AXDND1: variants seen among roughly 807,000 people sequenced by gnomAD.
AXDND1 encodes axonemal dynein light chain domain-containing protein 1.
A neutral mutation model predicts 137.5 loss-of-function variants in AXDND1; 110 were observed. The observed-to-expected ratio is 0.80, with a 90% CI of 0.69 to 0.94. The LOEUF (loss-of-function observed/expected upper bound fraction) is 0.94. Among genes scored for constraint, AXDND1 ranks in the 40% least tolerant of loss-of-function variants. The pLI, the probability that AXDND1 is intolerant of heterozygous loss-of-function variation, is 0.00. For synonymous variants in AXDND1, 414 were observed against 399.7 expected (o/e 1.04, Z -0.43); for missense variants, 1,191 against 1,169.8 (o/e 1.02, Z -0.26).
intron 12 of AXDND1, among the ~76,000 whole-genome samples, chr1:179,426,524 A>G (rs953022075): frequency 6.6e-6 from 1 of 152,206 alleles, no homozygotes; most frequent in Admixed American, 6.5e-5. Context: ...CATTTTAGAA[A>G]TTTTTATAGA....
intron 21 of AXDND1, among the ~76,000 whole-genome samples, chr1:179,510,799 G>A (rs1403149482): frequency 6.6e-6 from 1 of 152,072 alleles, no homozygotes; most frequent in Admixed American, 6.5e-5. Flanking sequence ...TTGGTTACAT[G>A]AGTAAGTTCT....
chr1:179,390,827 A>G (rs1369590273), intron 9 of AXDND1, among the ~76,000 whole-genome samples: 2 of 151,320 alleles, frequency 1.3e-5, no homozygotes, highest in Non-Finnish European at 2.9e-5. Flanking sequence ...TTTTTTTGAG[A>G]TGGAGTTTCG....
intron 22 of AXDND1, 76 bp downstream of exon 22, chr1:179,525,523 G>T (rs1018535148): frequency 2.1e-6 from 3 of 1,446,764 alleles, no homozygotes; most frequent in Non-Finnish European, 2.8e-6. Flanking sequence ...TAGAGACAGG[G>T]TCCTGCCCTG....
chr1:179,418,660 G>GCGGGGGGCCGACACCACCACC (rs1431556591), intron 12 of AXDND1, among the ~76,000 whole-genome samples: 6 of 142,200 alleles, frequency 4.2e-5, no homozygotes, highest in African/African-American at 1.5e-4. Context: ...GGCTGGCCGG[G>GCGGGGGGCCGACACCACCACC]TGGGGGGCCG....
Position 179,551,450 on chromosome 1 carries a change from A to G in AXDND1, c.3032-3062A>G, listed in dbSNP as rs770246605. On this transcript the variant is annotated intron_variant, in intron 25 of 25. Transcript: ENST00000367618. ...AGCCTTTTCCGCTTCTGCAGCAATC[A>G]TCTAGAAAACATGTGACGAAAGCAA... The G allele has an allele frequency of 1.9e-6, 3 of 1,613,000 alleles. No homozygotes were observed. Among genetic ancestry groups the G allele is most frequent in the Non-Finnish European group, 2.5e-6 (3 of 1,180,028 alleles).
intron 4 of AXDND1, among the ~76,000 whole-genome samples, chr1:179,371,135 G>A (rs1408628569): frequency 6.6e-6 from 1 of 152,124 alleles, no homozygotes; most frequent in African/African-American, 2.4e-5. Flanking sequence ...TGACATTACA[G>A]TTTTAATGTT....
At chr1:179,471,938 A>G (rs967346993) in intron 17 of AXDND1, among the ~76,000 whole-genome samples, 7 of 150,828 alleles carry the variant, frequency 4.6e-5, no homozygotes, top group Non-Finnish European at 1.0e-4. Context: ...TCTGCCACCC[A>G]GACTGGAGTG....
At chr1:179,464,156 T>G (rs989329984) in intron 16 of AXDND1, among the ~76,000 whole-genome samples, 1 of 152,208 alleles carries the variant, frequency 6.6e-6, no homozygotes, top group African/African-American at 2.4e-5. Context: ...ATCCTGTCAT[T>G]ATGCTGTTAG....
chr1:179,522,448 A>G (rs1365994441), intron 21 of AXDND1, among the ~76,000 whole-genome samples: 1 of 152,186 alleles, frequency 6.6e-6, no homozygotes, highest in Non-Finnish European at 1.5e-5. Context: ...ATGTATCTGT[A>G]TAAGAATGTT....
At chr1:179,437,703 AG>A (rs1658371397) in intron 15 of AXDND1, among the ~76,000 whole-genome samples, 1 of 152,160 alleles carries the variant, frequency 6.6e-6, no homozygotes, top group Admixed American at 6.5e-5. Context: ...CATTATTCCA[AG>A]AACTACATAT....
chr1:179,424,205 G>A (rs1656222983), intron 12 of AXDND1, among the ~76,000 whole-genome samples: 1 of 151,934 alleles, frequency 6.6e-6, no homozygotes, highest in Non-Finnish European at 1.5e-5. Context: ...GCCCTGTATG[G>A]TTTCCACTGA....
intron 16 of AXDND1, among the ~76,000 whole-genome samples, chr1:179,446,339 A>G (rs578167227): frequency 1.1e-4 from 16 of 152,334 alleles, no homozygotes; most frequent in African/African-American, 3.4e-4. Context: ...AATGTCCACC[A>G]ACTGACAGTG....
intron 20 of AXDND1, among the ~76,000 whole-genome samples, chr1:179,503,094 T>TA (rs11397892): frequency 0.68 from 92,504 of 136,676 alleles, 30,667 homozygotes; most frequent in South Asian, 0.79. Context: ...AAACTCCGTG[T>TA]AAAAAAAAAA....
At chr1:179,533,267 A>C (rs1174461757) in intron 23 of AXDND1, among the ~76,000 whole-genome samples, 3 of 152,116 alleles carry the variant, frequency 2.0e-5, no homozygotes, top group Non-Finnish European at 4.4e-5. Context: ...AGTCAAAATA[A>C]ATTAAAGAGG....
At chr1:179,434,681 T>C (rs6671807) in intron 15 of AXDND1, among the ~76,000 whole-genome samples, 132,875 of 152,130 alleles carry the variant, frequency 0.87, 58,138 homozygotes, top group East Asian at 0.9. Flanking sequence ...CTCAATAAAC[T>C]AGGTATTGAT....
At chr1:179,460,440 A>T (rs554554231) in intron 16 of AXDND1, among the ~76,000 whole-genome samples, 2 of 152,126 alleles carry the variant, frequency 1.3e-5, no homozygotes, top group Non-Finnish European at 2.9e-5. Context: ...CTTAATCCCC[A>T]GTCTATCACT....
chr1:179,533,626 CTTTT>C (rs66461504), intron 23 of AXDND1, among the ~76,000 whole-genome samples, 165 bp from the exon 24 acceptor site: 23 of 136,196 alleles, frequency 1.7e-4, no homozygotes, highest in East Asian at 2.2e-4. Flanking sequence ...GAGACAATCC[CTTTT>C]TTTTTTTTTT....
At chr1:179,406,307 C>G (rs1342826342) in intron 11 of AXDND1, among the ~76,000 whole-genome samples, 1 of 152,170 alleles carries the variant, frequency 6.6e-6, no homozygotes, top group Non-Finnish European at 1.5e-5. Context: ...GTTCCATGTG[C>G]TGATGAGAAG....
At chr1:179,494,679 TC>T (rs1399780974) in intron 20 of AXDND1, among the ~76,000 whole-genome samples, 3 of 152,112 alleles carry the variant, frequency 2.0e-5, no homozygotes, top group African/African-American at 7.2e-5. Flanking sequence ...AGTTATAGTG[TC>T]TTTCAAAGAG....
Sources: allele counts gnomAD v4.1 joint callset (sites outside exome capture counted in the v4.1 genomes callset), GRCh38; gene constraint gnomAD v4.1.1; transcripts MANE v1.5; gene names NCBI Gene and HGNC (gene_info 2026-07-23, HGNC 2026-07-21).